The following DLG2 variants were observed in gnomAD, a reference collection of about 807,000 sequenced individuals.
DLG2 encodes disks large homolog 2.
In DLG2, 45 loss-of-function variants were observed where a neutral mutation model predicts 132.5. The ratio of observed to expected loss-of-function variants is 0.34; its 90% CI spans 0.27 to 0.44. The LOEUF (loss-of-function observed/expected upper bound fraction) is 0.44, where lower values mean the gene tolerates loss of function less well. DLG2 is among the 20% of genes least tolerant of loss of function. The pLI, the probability that DLG2 is intolerant of heterozygous loss-of-function variation, is 1.00. For missense variants in DLG2, 1,045 were observed against 1,196.9 expected (o/e 0.87, Z 1.87); for synonymous variants, 424 against 419.6 (o/e 1.01, Z -0.13).
At chr11:84,938,244 T>C (rs1160429410) in intron 6 of DLG2, among the ~76,000 whole-genome samples, 1 of 152,154 alleles carries the variant, frequency 6.6e-6, no homozygotes, top group Non-Finnish European at 1.5e-5. Context: ...CCCCATAGCA[T>C]CTTCCACAGG....
intron 6 of DLG2, among the ~76,000 whole-genome samples, chr11:84,629,196 A>G (rs2154543506): frequency 6.6e-6 from 1 of 152,354 alleles, no homozygotes; most frequent in East Asian, 1.9e-4. Flanking sequence ...AGCTTTATAA[A>G]CAAATTCTGC....
intron 18 of DLG2, among the ~76,000 whole-genome samples, chr11:83,657,771 A>C (rs2073077273): frequency 6.6e-6 from 1 of 151,402 alleles, no homozygotes; most frequent in Admixed American, 6.6e-5. Context: ...CAATCTCCTG[A>C]CCTCGTGATC....
Position 85,597,696 on chromosome 11 carries a change from T to C in DLG2, c.40+961A>G, listed in dbSNP as rs143794795. ...TATCAAAAAGTACAGATATTTATAA[T>C]GAAAACAAAGTATTTTCATAATTAA... On this transcript the variant is annotated intron_variant, in intron 3 of 27. Transcript: ENST00000376104. 5.4e-3 allele frequency among the ~76,000 whole-genome samples: 816 copies of C among 151,762 alleles called. 10 individuals carry two copies. The highest frequency in any genetic ancestry group is 0.018 in the African/African-American group (759 of 41,570).
At chr11:84,136,240 T>C (rs10792724) in intron 9 of DLG2, among the ~76,000 whole-genome samples, 99,094 of 151,980 alleles carry the variant, frequency 0.65, 34,556 homozygotes, top group Middle Eastern at 0.81. Flanking sequence ...ACCACATAGG[T>C]TCACAGCAAG....
Position 84,923,208 on chromosome 11 carries a change from G to C in DLG2, c.357+188453C>G. On this transcript the variant is annotated intron_variant, in intron 6 of 27. Coordinates refer to ENST00000376104, the MANE Select transcript of DLG2 (RefSeq NM_001142699.3). Reference sequence around the variant, plus strand: ...ACGATCCTGGGCATGTGCTACTAAAGAGCATCCGTTCCCTCTGTCAGTTTG... The same window carrying C: ...ACGATCCTGGGCATGTGCTACTAAACAGCATCCGTTCCCTCTGTCAGTTTG... 14 of 1,597,146 alleles carry C rather than the reference G, an allele frequency of 8.8e-6. No homozygotes were observed. In the South Asian group the frequency reaches 1.0e-4, roughly 12 times the overall value.
intron 3 of DLG2, among the ~76,000 whole-genome samples, chr11:85,449,033 TGTTTG>T (rs933205875): frequency 4.3e-4 from 65 of 152,328 alleles, no homozygotes; most frequent in South Asian, 2.7e-3. Flanking sequence ...TTCTGTGTTT[TGTTTG>T]TTCAATCAGT....
At chr11:83,529,841 G>A (rs1321815101) in intron 21 of DLG2, among the ~76,000 whole-genome samples, 4 of 151,994 alleles carry the variant, frequency 2.6e-5, no homozygotes, top group Non-Finnish European at 2.9e-5. Flanking sequence ...TTTCAATAGC[G>A]AAGTCCTATA....
chr11:84,299,603 T>C (rs995011501), intron 7 of DLG2, among the ~76,000 whole-genome samples: 4 of 152,126 alleles, frequency 2.6e-5, no homozygotes, highest in Admixed American at 6.5e-5. Flanking sequence ...AGAAGAATGA[T>C]GAAAATAGAC....
intron 7 of DLG2, among the ~76,000 whole-genome samples, chr11:84,351,269 A>G (rs1428741380): frequency 1.3e-5 from 2 of 152,120 alleles, no homozygotes; most frequent in Non-Finnish European, 2.9e-5. Context: ...TCTGTGGCAT[A>G]TATTATATAA....
chr11:84,294,882 C>T (rs1297477489), intron 7 of DLG2, among the ~76,000 whole-genome samples: 1 of 152,046 alleles, frequency 6.6e-6, no homozygotes, highest in Admixed American at 6.5e-5. Context: ...GAATTTGACA[C>T]ATTTACCCCA....
intron 6 of DLG2, among the ~76,000 whole-genome samples, chr11:84,931,802 A>G (rs1462380213): frequency 6.6e-6 from 1 of 152,158 alleles, no homozygotes; most frequent in African/African-American, 2.4e-5. Context: ...CTTTTTGATA[A>G]TAACTATTCT....
chr11:83,604,433 T>C (rs1462772529), intron 19 of DLG2, among the ~76,000 whole-genome samples: 1 of 152,248 alleles, frequency 6.6e-6, no homozygotes, highest in Non-Finnish European at 1.5e-5. Flanking sequence ...CAACTCATCT[T>C]TGGGTTTTTG....
chr11:84,022,371 A>G (rs1424771525), intron 11 of DLG2, among the ~76,000 whole-genome samples: 1 of 152,158 alleles, frequency 6.6e-6, no homozygotes, highest in South Asian at 2.1e-4. Context: ...AAACACAACC[A>G]AGCTCAACAA....
chr11:84,168,826 T>TACACACACACAC (rs145846743), intron 8 of DLG2, among the ~76,000 whole-genome samples: 21 of 148,100 alleles, frequency 1.4e-4, no homozygotes, highest in East Asian at 1.2e-3. Flanking sequence ...CACACACACA[T>TACACACACACAC]ACACACACAC....
At chr11:84,744,609 C>T (rs1565849648) in intron 6 of DLG2, among the ~76,000 whole-genome samples, 2 of 152,220 alleles carry the variant, frequency 1.3e-5, no homozygotes, top group Non-Finnish European at 1.5e-5. Context: ...AATTGAAATA[C>T]TAAGCTAAAA....
chr11:84,838,060 G>C (rs966929178), intron 6 of DLG2, among the ~76,000 whole-genome samples: 2 of 151,972 alleles, frequency 1.3e-5, no homozygotes, highest in African/African-American at 4.8e-5. Flanking sequence ...AGTGTACTTA[G>C]TGATTATGTT....
chr11:83,521,252 T>A (rs2095473372), intron 21 of DLG2, among the ~76,000 whole-genome samples: 1 of 152,328 alleles, frequency 6.6e-6, no homozygotes, highest in South Asian at 2.1e-4. Context: ...CAAAAGTGCT[T>A]TGCAAATACA....
chr11:84,813,057 C>T (rs928628808), intron 6 of DLG2, among the ~76,000 whole-genome samples: 1 of 152,020 alleles, frequency 6.6e-6, no homozygotes, highest in African/African-American at 2.4e-5. Context: ...GCTGTTTATC[C>T]TTAAAAAGGC....
At chr11:84,553,049 T>A (rs972739730) in intron 6 of DLG2, among the ~76,000 whole-genome samples, 3 of 152,192 alleles carry the variant, frequency 2.0e-5, no homozygotes, top group Non-Finnish European at 2.9e-5. Flanking sequence ...TTTTCTCACC[T>A]TCCTGTCTCA....
Sources: allele counts gnomAD v4.1 joint callset (sites outside exome capture counted in the v4.1 genomes callset), GRCh38; gene constraint gnomAD v4.1.1; transcripts MANE v1.5; gene names NCBI Gene and HGNC (gene_info 2026-07-23, HGNC 2026-07-21).